Variants in MCTP1 observed in about 807,000 individuals in gnomAD.
MCTP1 encodes the protein multiple C2 and transmembrane domain-containing protein 1.
In MCTP1, 69 loss-of-function variants were observed where a neutral mutation model predicts 120.6. The observed-to-expected ratio is 0.57, with a 90% CI of 0.47 to 0.70. MCTP1 has a LOEUF of 0.70. Ranked by LOEUF, MCTP1 falls within the 30% of genes least tolerant of loss-of-function variation. MCTP1 has a pLI of 0.00. For missense variants in MCTP1, 1,203 were observed against 1,248.8 expected, an observed-to-expected ratio of 0.96 and a Z score of 0.55; for synonymous variants, 529 against 493.1, an observed-to-expected ratio of 1.07 and a Z score of -0.96.
At position 95,061,434 on chromosome 5, in the gene MCTP1, T is replaced by G. The variant is rs1363456039; in HGVS notation, c.721-43950A>C. Among the ~76,000 whole-genome samples, 72 of 69,120 alleles carry G rather than the reference T, an allele frequency of 1.0e-3. 1 individual carries two copies. Among genetic ancestry groups the G allele is most frequent in the South Asian group, 4.1e-3 (7 of 1,724 alleles). 45.3% of individuals were successfully genotyped at this position (69,120 alleles called of 152,430 possible). ...TTTTTTTTTTTTTTTTTTTTTTTTT[T>G]TTTTTTTTTTTTTTTTTTTGAGACG... On this transcript the variant is annotated intron_variant, in intron 1 of 22. Transcript: ENST00000515393.
chr5:95,073,513 CTG>C (rs1752764273), intron 1 of MCTP1, among the ~76,000 whole-genome samples: 1 of 152,186 alleles, frequency 6.6e-6, no homozygotes, highest in South Asian at 2.1e-4. Context: ...ATAGGGTGTT[CTG>C]TGAGTTCACC....
chr5:95,181,022 T>C (rs1441991703), intron 1 of MCTP1, among the ~76,000 whole-genome samples: 3 of 152,210 alleles, frequency 2.0e-5, no homozygotes, highest in African/African-American at 7.2e-5. Flanking sequence ...CAAACCATCA[T>C]TATTCCTCAC....
intron 1 of MCTP1, among the ~76,000 whole-genome samples, chr5:95,178,728 G>A (rs1582454612): frequency 6.6e-6 from 1 of 152,176 alleles, no homozygotes; most frequent in East Asian, 1.9e-4. Flanking sequence ...AAATGAGAAG[G>A]AACCAGAAAA....
At position 94,770,292 on chromosome 5, in the gene MCTP1, G is replaced by A. The variant is rs189871052; in HGVS notation, c.2610+8818C>T. 7.9e-5 allele frequency among the ~76,000 whole-genome samples: 12 copies of A among 152,298 alleles called. No individual in the cohort carries two copies. In the East Asian group the frequency reaches 2.1e-3, roughly 27 times the overall value. On this transcript the variant is annotated intron_variant, in intron 19 of 22. Coordinates refer to ENST00000515393, the MANE Select transcript of MCTP1 (RefSeq NM_024717.7). ...TCTATGAATGTTGTCAACCTCCCGA[G>A]AGCCAGGGCTGACACACTGCTATTT...
chr5:94,942,496 G>A (rs1346551743), intron 3 of MCTP1, 69 bp from the exon 4 acceptor site: 6 of 1,129,632 alleles, frequency 5.3e-6, no homozygotes, highest in Non-Finnish European at 7.8e-6. Context: ...ATAATGTCTT[G>A]GTCATAAAAT....
At chr5:95,150,564 C>CA (rs1209905308) in intron 1 of MCTP1, among the ~76,000 whole-genome samples, 3 of 152,098 alleles carry the variant, frequency 2.0e-5, no homozygotes, top group Non-Finnish European at 4.4e-5. Context: ...TTAACAACAA[C>CA]AAAAAATCCA....
intron 17 of MCTP1, among the ~76,000 whole-genome samples, chr5:94,847,012 G>A (rs1227367686): frequency 6.6e-6 from 1 of 152,106 alleles, no homozygotes; most frequent in Admixed American, 6.6e-5. Flanking sequence ...GGGAAGCAGG[G>A]CCCAGATTTC....
intron 17 of MCTP1, among the ~76,000 whole-genome samples, chr5:94,862,408 C>G (rs1039370924): frequency 2.0e-5 from 3 of 151,776 alleles, no homozygotes; most frequent in African/African-American, 7.2e-5. Flanking sequence ...CAAAAAAGGG[C>G]ATTGGCATCA....
chr5:94,994,096 T>C (rs722722), intron 2 of MCTP1, among the ~76,000 whole-genome samples: 18,920 of 152,156 alleles, frequency 0.12, 1,750 homozygotes, highest in African/African-American at 0.25. Flanking sequence ...TTCAAAGACA[T>C]GGCAATTTGA....
chr5:94,831,987 G>T (rs1244984307), intron 17 of MCTP1, among the ~76,000 whole-genome samples: 1 of 152,110 alleles, frequency 6.6e-6, no homozygotes, highest in Non-Finnish European at 1.5e-5. Context: ...AAGAAGAAAC[G>T]CTTCTACGGA....
chr5:95,278,563 T>C (rs1356235699), intron 1 of MCTP1, among the ~76,000 whole-genome samples: 1 of 152,112 alleles, frequency 6.6e-6, no homozygotes, highest in Non-Finnish European at 1.5e-5. Flanking sequence ...TATCAAGAAA[T>C]GGTCTTATTT....
intron 1 of MCTP1, among the ~76,000 whole-genome samples, chr5:95,225,767 C>T (rs532774834): frequency 1.3e-5 from 2 of 152,238 alleles, no homozygotes; most frequent in East Asian, 3.9e-4. Flanking sequence ...ACATTTCCCT[C>T]TCCATTCCCT....
chr5:94,784,873 A>C (rs1561631994), intron 18 of MCTP1: 1 of 152,112 alleles, frequency 6.6e-6, no homozygotes, highest in African/African-American at 2.4e-5. Context: ...AAATACAATT[A>C]TTCTTCTCAC....
intron 1 of MCTP1, among the ~76,000 whole-genome samples, chr5:95,116,720 GGT>G (rs1757851056): frequency 6.6e-6 from 1 of 151,934 alleles, no homozygotes; most frequent in South Asian, 2.1e-4. Context: ...CTTGAGTGGT[GGT>G]TTGTAGTTCT....
chr5:94,843,215 T>C (rs1791528164), intron 17 of MCTP1, among the ~76,000 whole-genome samples: 2 of 152,040 alleles, frequency 1.3e-5, no homozygotes, highest in Admixed American at 6.6e-5. Context: ...CAACCTGTTC[T>C]CCATCCTTTA....
intron 1 of MCTP1, among the ~76,000 whole-genome samples, chr5:95,092,867 C>G (rs1438854856): frequency 1.3e-5 from 2 of 152,150 alleles, no homozygotes; most frequent in East Asian, 3.9e-4. Flanking sequence ...TTTAGGCAGA[C>G]AGTGGACCTC....
At chr5:95,224,536 T>TTCAC (rs1754048897) in intron 1 of MCTP1, among the ~76,000 whole-genome samples, 1 of 151,378 alleles carries the variant, frequency 6.6e-6, no homozygotes, top group Non-Finnish European at 1.5e-5. Flanking sequence ...GAGACAGGGT[T>TTCAC]TCACTGTGTC....
At chr5:94,720,720 T>C (rs989220875) in intron 19 of MCTP1, among the ~76,000 whole-genome samples, 2 of 152,188 alleles carry the variant, frequency 1.3e-5, no homozygotes, top group Non-Finnish European at 2.9e-5. Flanking sequence ...AATAAGAATA[T>C]TTCCCCAATT....
intron 17 of MCTP1, among the ~76,000 whole-genome samples, chr5:94,824,587 C>T (rs1253049612): frequency 2.0e-5 from 3 of 152,030 alleles, no homozygotes. Context: ...TTTTCTATTG[C>T]TTGGAATAGT....
Sources: allele counts gnomAD v4.1 joint callset (sites outside exome capture counted in the v4.1 genomes callset), GRCh38; gene constraint gnomAD v4.1.1; transcripts MANE v1.5; gene names NCBI Gene and HGNC (gene_info 2026-07-23, HGNC 2026-07-21).